Variants in SH3PXD2A observed in about 807,000 individuals in gnomAD.
SH3PXD2A encodes SH3 and PX domain-containing protein 2A.
A neutral mutation model predicts 115.2 loss-of-function variants in SH3PXD2A; 32 were observed. That is an observed-to-expected ratio of 0.28 (90% confidence interval 0.21 to 0.37). SH3PXD2A has a LOEUF of 0.37. Ranked by LOEUF, SH3PXD2A falls within the 10% of genes least tolerant of loss-of-function variation. The pLI, the probability that SH3PXD2A is intolerant of heterozygous loss-of-function variation, is 1.00. For synonymous variants in SH3PXD2A, 610 were observed against 629.1 expected (o/e 0.97, Z 0.45); for missense variants, 1,328 against 1,498.7 (o/e 0.89, Z 1.88).
chr10:103,795,895 AGG>A (rs373838784), intron 2 of SH3PXD2A, among the ~76,000 whole-genome samples: 25 of 136,970 alleles, frequency 1.8e-4, no homozygotes, highest in African/African-American at 6.5e-4. Context: ...GGAGAGAGGG[AGG>A]GAGGAAAAGG....
chr10:103,642,457 T>C lies in SH3PXD2A; in HGVS notation c.605-15255A>G, dbSNP rs187208282. On this transcript the variant is annotated intron_variant, in intron 8 of 14. Coordinates refer to ENST00000369774, the MANE Select transcript of SH3PXD2A (RefSeq NM_001394015.1). ...ACTGTGTGATGCAGAAGGATTGATA[T>C]TGCCTCTCTGCCACCTAAGATCCTC... 1.1e-3 allele frequency among the ~76,000 whole-genome samples: 169 copies of C among 152,318 alleles called. 5 individuals carry two copies. In the East Asian group the frequency reaches 0.031, roughly 28 times the overall value.
At chr10:103,841,594 G>A (rs567126573) in intron 1 of SH3PXD2A, among the ~76,000 whole-genome samples, 2 of 152,258 alleles carry the variant, frequency 1.3e-5, no homozygotes, top group South Asian at 4.1e-4. Flanking sequence ...TGTGCAGGGT[G>A]GGGAGGGATA....
At chr10:103,799,219 T>A (rs1209734727) in intron 2 of SH3PXD2A, among the ~76,000 whole-genome samples, 1 of 152,192 alleles carries the variant, frequency 6.6e-6, no homozygotes, top group Admixed American at 6.5e-5. Context: ...TGACCAGAGA[T>A]GGAGTTAGCA....
chr10:103,803,390 C>A (rs2039166488), intron 1 of SH3PXD2A, among the ~76,000 whole-genome samples: 1 of 152,276 alleles, frequency 6.6e-6, no homozygotes, highest in African/African-American at 2.4e-5. Flanking sequence ...ATTGTAAAAC[C>A]ATTTTGATAA....
chr10:103,653,214 TCC>T, intron 8 of SH3PXD2A, among the ~76,000 whole-genome samples: 1 of 152,238 alleles, frequency 6.6e-6, no homozygotes, highest in East Asian at 1.9e-4. Context: ...CACTTCTGGA[TCC>T]CAGCCTGACA....
chr10:103,617,172 C>T (rs1361014839), intron 11 of SH3PXD2A, 25 bp downstream of exon 11: 21 of 1,530,140 alleles, frequency 1.4e-5, no homozygotes, highest in East Asian at 2.2e-5. Flanking sequence ...AGAGGCATCT[C>T]GTTCATAATG....
chr10:103,732,757 G>A (rs1208218562), intron 4 of SH3PXD2A, among the ~76,000 whole-genome samples: 1 of 152,220 alleles, frequency 6.6e-6, no homozygotes, highest in East Asian at 1.9e-4. Context: ...AGCCAAGCAG[G>A]TGGGCTATGC....
Position 103,776,430 on chromosome 10 carries a change from GTGTGTC to G in SH3PXD2A, c.154-9267_154-9262del, listed in dbSNP as rs1288037435. Among the ~76,000 whole-genome samples, 439 of 103,474 alleles carry G rather than the reference GTGTGTC, an allele frequency of 4.2e-3. 5 individuals are homozygous for G. In the South Asian group the frequency reaches 0.05, roughly 12 times the overall value. 67.9% of individuals were successfully genotyped at this position (103,474 alleles called of 152,430 possible). ...AAAAAAAAAGTGTGTGCATGCGTGTGTGTGTCTGTGTGTGTGTGTGTGTGTGTGTGT... is the reference window on the plus strand; with the variant it reads ...AAAAAAAAAGTGTGTGCATGCGTGTGTGTGTGTGTGTGTGTGTGTGTGTGT... On this transcript the variant is annotated intron_variant, in intron 2 of 14. Coordinates refer to ENST00000369774, the MANE Select transcript of SH3PXD2A (RefSeq NM_001394015.1).
rs1395793197 is a variant in SH3PXD2A at position 103,617,250 on chromosome 10, C to A, written c.867G>T (p.Lys289Asn). Residue 289 changes from lysine to asparagine, a missense_variant, in exon 11 of 15, where the codon AAG becomes AAT. Physicochemically the swap from Lys to Asn is moderately conservative, Grantham distance 94 (BLOSUM62 0). This residue lies in a region of SH3PXD2A where 509 missense variants were observed against 628.3 expected (regional missense o/e 0.81). Transcript: ENST00000369774. Reference protein sequence around the residue: ...SQSKDEIGFEKGVTVEVIRKN... With the variant: ...SQSKDEIGFENGVTVEVIRKN... ...TCCGGATCACCTCCACTGTGACGCC[C>A]TTCTCAAAGCCAATCTCGTCCTTGC... The A allele has an allele frequency of 3.7e-6, 6 of 1,614,096 alleles. No individual in the cohort carries two copies. The highest frequency in any genetic ancestry group is 5.1e-6 in the Non-Finnish European group (6 of 1,180,016).
intron 1 of SH3PXD2A, among the ~76,000 whole-genome samples, chr10:103,835,665 C>T (rs887375967): frequency 6.6e-6 from 1 of 152,096 alleles, no homozygotes; most frequent in African/African-American, 2.4e-5. Context: ...GTCTTTTGGC[C>T]GCCCCCCCAA....
Position 103,601,594 on chromosome 10 carries a change from C to A in SH3PXD2A, c.*222G>T. The A allele has an allele frequency of 2.0e-6, 1 of 492,298 alleles. No homozygotes were observed. The highest frequency in any genetic ancestry group is 3.6e-6 in the Non-Finnish European group (1 of 276,038). The allele number at this position is 492,298 out of a possible 1,614,324, so 30.5% of individuals were successfully genotyped here. On this transcript the variant is annotated 3_prime_UTR_variant, in exon 15 of 15. Transcript: ENST00000369774. ...GTCCCAGGCCTGGGACTCCCTGGTC[C>A]ATTCCCTTCCTCACTCAGTGTGGGC... is the stretch of plus-strand genomic sequence containing the variant.
chr10:103,644,275 A>G (rs2037001393), intron 8 of SH3PXD2A, among the ~76,000 whole-genome samples: 1 of 151,086 alleles, frequency 6.6e-6, no homozygotes, highest in Non-Finnish European at 1.5e-5. Flanking sequence ...ATAATAGATG[A>G]GAAAAATGCT....
Position 103,681,213 on chromosome 10 carries a change from CTG to C in SH3PXD2A, c.427+11813_427+11814del, listed in dbSNP as rs1427406180. Among the ~76,000 whole-genome samples the C allele has an allele frequency of 7.3e-5, 10 of 136,816 alleles. No individual in the cohort carries two copies. In the East Asian group the frequency reaches 2.2e-3, roughly 31 times the overall value. 89.8% of individuals were successfully genotyped at this position (136,816 alleles called of 152,430 possible). A position where few individuals can be genotyped will look rare whatever the true frequency, so the allele number is the denominator to read the frequency against. On this transcript the variant is annotated intron_variant, in intron 6 of 14. Coordinates refer to ENST00000369774, the MANE Select transcript of SH3PXD2A (RefSeq NM_001394015.1). ...ATTCTCCAAGACTCCAAATGCTGGG[CTG>C]TGTTTCAGGGGTAAGAGACTTGGGA... is the stretch of plus-strand genomic sequence containing the variant.
chr10:103,788,153 A>T (rs1333656833), intron 2 of SH3PXD2A, among the ~76,000 whole-genome samples: 1 of 152,072 alleles, frequency 6.6e-6, no homozygotes, highest in African/African-American at 2.4e-5. Flanking sequence ...CATAATAATA[A>T]TGCTTCACCG....
chr10:103,752,960 A>T (rs940309012), intron 3 of SH3PXD2A, among the ~76,000 whole-genome samples: 3 of 152,186 alleles, frequency 2.0e-5, no homozygotes, highest in Admixed American at 6.5e-5. Context: ...AATCTAGCTA[A>T]AACTTTTACC....
At chr10:103,816,755 T>C (rs974051406) in intron 1 of SH3PXD2A, among the ~76,000 whole-genome samples, 1 of 152,218 alleles carries the variant, frequency 6.6e-6, no homozygotes, top group African/African-American at 2.4e-5. Context: ...TGTAATGTTA[T>C]GTAATAACTA....
chr10:103,747,985 C>T (rs999489529), intron 3 of SH3PXD2A, among the ~76,000 whole-genome samples: 1 of 151,960 alleles, frequency 6.6e-6, no homozygotes, highest in African/African-American at 2.4e-5. Flanking sequence ...GTTCTGTTGG[C>T]AAAACTGAGC....
intron 9 of SH3PXD2A, among the ~76,000 whole-genome samples, chr10:103,626,401 G>C (rs1231388188): frequency 1.3e-5 from 2 of 152,154 alleles, no homozygotes; most frequent in African/African-American, 4.8e-5. Flanking sequence ...GCCAGGCCAT[G>C]GGAGGCTTGG....
chr10:103,685,085 C>T (rs556687539), intron 6 of SH3PXD2A, among the ~76,000 whole-genome samples: 67 of 152,236 alleles, frequency 4.4e-4, no homozygotes, highest in African/African-American at 1.5e-3. Context: ...CACCTGTAAT[C>T]CCAGCACTTT....
Sources: gnomAD v4.1 joint callset for allele counts (sites outside exome capture counted in the v4.1 genomes callset) on GRCh38, gnomAD v4.1.1 for gene constraint, gnomAD v4.1.1 regional missense constraint, MANE v1.5 for transcripts, NCBI Gene and HGNC (gene_info 2026-07-23, HGNC 2026-07-21) for gene names.